STRN: variants seen among roughly 807,000 people sequenced by gnomAD.
STRN encodes protein phosphatase 2 regulatory subunit B'''alpha.
STRN carries 53 observed loss-of-function variants against 96.3 expected under a neutral mutation model. The ratio of observed to expected loss-of-function variants is 0.55; its 90% CI spans 0.44 to 0.69. The LOEUF (loss-of-function observed/expected upper bound fraction) is 0.69. Ranked by LOEUF, STRN falls within the 30% of genes least tolerant of loss-of-function variation. The probability of loss-of-function intolerance (pLI) is 0.00; values close to 1 mark genes in which losing one functional copy is unlikely to be tolerated. For synonymous variants in STRN, 428 were observed against 355.9 expected (o/e 1.20, Z -2.28); for missense variants, 987 against 963.9 (o/e 1.02, Z -0.32).
chr2:36,861,956 T>C (rs1330373967), intron 12 of STRN, among the ~76,000 whole-genome samples: 2 of 152,118 alleles, frequency 1.3e-5, no homozygotes, highest in Admixed American at 6.6e-5. Flanking sequence ...CCCTAGTGTC[T>C]ATTGTTCCCT....
At chr2:36,907,955 T>C (rs1369865849) in intron 3 of STRN, among the ~76,000 whole-genome samples, 2 of 151,794 alleles carry the variant, frequency 1.3e-5, no homozygotes, top group Non-Finnish European at 2.9e-5. Context: ...AAGAAGCTAA[T>C]TACTCTGTGA....
At chr2:36,891,173 G>C (rs1023126275) in intron 7 of STRN, among the ~76,000 whole-genome samples, 9 of 152,218 alleles carry the variant, frequency 5.9e-5, no homozygotes, top group Admixed American at 6.5e-5. Context: ...ATCAGGGATA[G>C]ACAGACAGCC....
chr2:36,846,392 T>TATAC lies in STRN; in HGVS notation c.*3063_*3064insGTAT. On this transcript the variant is annotated 3_prime_UTR_variant, in exon 18 of 18. Coordinates refer to ENST00000263918, the MANE Select transcript of STRN (RefSeq NM_003162.4). Reference sequence around the variant, plus strand: ...CAGTAAAATGCACCTATGGTTTATATATATATATATATATATATATATATA... The same window carrying TATAC: ...CAGTAAAATGCACCTATGGTTTATATATACATATATATATATATATATATATATA... 3.2e-5 allele frequency: 1 copy of TATAC among 31,578 alleles called. No homozygotes were observed. Among genetic ancestry groups the TATAC allele is most frequent in the Middle Eastern group, 0.02 (1 of 50 alleles). 2.0% of individuals were successfully genotyped at this position (31,578 alleles called of 1,614,324 possible). A position where few individuals can be genotyped will look rare whatever the true frequency, so the allele number is the denominator to read the frequency against.
At chr2:36,861,439 T>C (rs1365171074) in intron 12 of STRN, among the ~76,000 whole-genome samples, 186 bp from the exon 13 acceptor site, 32 of 152,122 alleles carry the variant, frequency 2.1e-4, no homozygotes, top group Non-Finnish European at 2.9e-5. Flanking sequence ...GTTGGTAAAT[T>C]ATGGTCAGCA....
intron 14 of STRN, among the ~76,000 whole-genome samples, chr2:36,856,758 T>C (rs913239927): frequency 2.0e-5 from 3 of 152,166 alleles, no homozygotes; most frequent in African/African-American, 7.2e-5. Context: ...ATCCCCAATA[T>C]TGGAGATACG....
At chr2:36,902,860 A>C (rs1669725240) in intron 4 of STRN, 109 bp from the exon 5 acceptor site, 2 of 873,576 alleles carry the variant, frequency 2.3e-6, no homozygotes, top group South Asian at 2.3e-5. Context: ...AAGACTTAAC[A>C]GTACAGTACT....
chr2:36,904,035 T>A (rs560835889), intron 4 of STRN, among the ~76,000 whole-genome samples: 1 of 152,140 alleles, frequency 6.6e-6, no homozygotes, highest in South Asian at 2.1e-4. Flanking sequence ...CTCAGAAGAG[T>A]TGATTATGGG....
In STRN at chr2:36,897,419, CA is replaced by C. The variant is rs965514642; in HGVS notation, c.795+2103del. 2.8e-5 allele frequency among the ~76,000 whole-genome samples: 4 copies of C among 144,248 alleles called. No individual in the cohort carries two copies. In the East Asian group the frequency reaches 8.0e-4, roughly 29 times the overall value. 94.6% of individuals were successfully genotyped at this position (144,248 alleles called of 152,430 possible). A position where few individuals can be genotyped will look rare whatever the true frequency, so the allele number is the denominator to read the frequency against. ...TGATTTGCTTAGAAATATTTTTTTCCAAAAAAAACTAAAAAATATATATATA... is the reference window on the plus strand; with the variant it reads ...TGATTTGCTTAGAAATATTTTTTTCCAAAAAAACTAAAAAATATATATATA... On this transcript the variant is annotated intron_variant, in intron 6 of 17. Transcript: ENST00000263918.
rs923427040 is a variant in STRN at position 36,839,506 on chromosome 2, G to C, written c.*9950C>G. Among the ~76,000 whole-genome samples the C allele has an allele frequency of 6.6e-6, 1 of 152,198 alleles. No homozygotes were observed. The highest frequency in any genetic ancestry group is 2.4e-5 in the African/African-American group (1 of 41,456). On this transcript the variant is annotated 3_prime_UTR_variant, in exon 18 of 18. Transcript: ENST00000263918. ...ACATGACCAGAAGTCTGTATTCAGAGAGTGAACAAGTCATTTGCTGGATGC... is the reference window on the plus strand; with the variant it reads ...ACATGACCAGAAGTCTGTATTCAGACAGTGAACAAGTCATTTGCTGGATGC...
intron 1 of STRN, among the ~76,000 whole-genome samples, chr2:36,929,877 T>A (rs1670525834): frequency 6.6e-6 from 1 of 152,168 alleles, no homozygotes; most frequent in African/African-American, 2.4e-5. Flanking sequence ...AAATAAAATA[T>A]TATAAAGCTT....
At chr2:36,893,338 T>C (rs1178466603) in intron 7 of STRN, among the ~76,000 whole-genome samples, 1 of 152,180 alleles carries the variant, frequency 6.6e-6, no homozygotes, top group Non-Finnish European at 1.5e-5. Flanking sequence ...ATGCACAACA[T>C]TTTTACAGGA....
chr2:36,894,048 T>C lies in STRN; in HGVS notation c.796-15A>G, dbSNP rs767291280. 52 of 1,604,782 alleles carry C rather than the reference T, an allele frequency of 3.2e-5. No individual in the cohort carries two copies. Among genetic ancestry groups the C allele is most frequent in the Non-Finnish European group, 2.5e-5 (29 of 1,177,866 alleles). ...TTCCTAACAATCTAATGAAAAAACA[T>C]GCTAAATTAAATAAAGGAGATAGTT... On this transcript the variant is annotated splice_polypyrimidine_tract_variant and intron_variant, in intron 6 of 17. Transcript: ENST00000263918.
In STRN at chr2:36,905,529, G is replaced by A. The variant is rs752861958; in HGVS notation, c.491+11C>T. 1.9e-6 allele frequency: 3 copies of A among 1,611,810 alleles called. No individual in the cohort carries two copies. Among genetic ancestry groups the A allele is most frequent in the Non-Finnish European group, 2.5e-6 (3 of 1,178,050 alleles). ...TTCAGCCATTTATAAGTTTCACCAT[G>A]AGACACTTACTGTCTGAGTAGTTGT... On this transcript the variant is annotated intron_variant, in intron 4 of 17. Transcript: ENST00000263918.
chr2:36,959,016 T>C (rs192027669), intron 1 of STRN, among the ~76,000 whole-genome samples: 10 of 152,214 alleles, frequency 6.6e-5, no homozygotes, highest in African/African-American at 1.9e-4. Flanking sequence ...CTCGGGAGGC[T>C]GAGGCAGGAG....
At chr2:36,950,617 A>T (rs1006675017) in intron 1 of STRN, among the ~76,000 whole-genome samples, 2 of 152,214 alleles carry the variant, frequency 1.3e-5, no homozygotes, top group Admixed American at 1.3e-4. Context: ...ATGTGAGCCA[A>T]GACCATATCT....
intron 1 of STRN, among the ~76,000 whole-genome samples, chr2:36,940,513 A>G (rs1249775327): frequency 6.6e-6 from 1 of 152,110 alleles, no homozygotes; most frequent in African/African-American, 2.4e-5. Context: ...TGTAAATCTG[A>G]AAACATTTTT....
At position 36,945,066 on chromosome 2, in the gene STRN, TCAAA is replaced by T. The variant is rs757572024; in HGVS notation, c.235-19862_235-19859del. 5.3e-5 allele frequency among the ~76,000 whole-genome samples: 8 copies of T among 152,146 alleles called. No individual in the cohort carries two copies. In the South Asian group the frequency reaches 8.3e-4, roughly 16 times the overall value. ...ATTTAGTAATATGTCAAAGAAATGA[TCAAA>T]CAGTTAAAAGTAATGGATTTAATAT... On this transcript the variant is annotated intron_variant, in intron 1 of 17. Coordinates refer to ENST00000263918, the MANE Select transcript of STRN (RefSeq NM_003162.4).
At chr2:36,941,075 A>AT (rs1231114559) in intron 1 of STRN, among the ~76,000 whole-genome samples, 1 of 152,088 alleles carries the variant, frequency 6.6e-6, no homozygotes, top group Non-Finnish European at 1.5e-5. Flanking sequence ...GATGACCTGA[A>AT]CCCAGGGAGC....
chr2:36,916,159 A>G lies in STRN; in HGVS notation c.339-8T>C. On this transcript the variant is annotated splice_region_variant and splice_polypyrimidine_tract_variant and intron_variant, in intron 2 of 17. Transcript: ENST00000263918. Reference sequence around the variant, plus strand: ...AACTTGTGGTATTTGGCTCTAACAAAGAAATGAGAAAATACAGACCATCTT... The same window carrying G: ...AACTTGTGGTATTTGGCTCTAACAAGGAAATGAGAAAATACAGACCATCTT... 2 of 1,607,982 alleles carry G rather than the reference A, an allele frequency of 1.2e-6. No homozygotes were observed. Among genetic ancestry groups the G allele is most frequent in the Non-Finnish European group, 1.7e-6 (2 of 1,174,952 alleles).
Sources: gnomAD v4.1 joint callset for allele counts (sites outside exome capture counted in the v4.1 genomes callset) on GRCh38, gnomAD v4.1.1 for gene constraint, MANE v1.5 for transcripts, NCBI Gene and HGNC (gene_info 2026-07-23, HGNC 2026-07-21) for gene names.